The following EPB41L3 variants were observed in gnomAD, a reference collection of about 807,000 sequenced individuals.
The protein encoded by EPB41L3 is band 4.1-like protein 3.
A neutral mutation model predicts 127.1 loss-of-function variants in EPB41L3; 57 were observed. The ratio of observed to expected loss-of-function variants is 0.45; its 90% confidence interval spans 0.36 to 0.56. The LOEUF (loss-of-function observed/expected upper bound fraction) is 0.56, where lower values mean the gene tolerates loss of function less well. Among genes scored for constraint, EPB41L3 ranks in the 20% least tolerant of loss-of-function variants. The pLI, the probability that EPB41L3 is intolerant of heterozygous loss-of-function variation, is 0.00. For missense variants in EPB41L3, 1,273 were observed against 1,372.2 expected (o/e 0.93, Z 1.14); for synonymous variants, 572 against 549.5 (o/e 1.04, Z -0.57).
intron 3 of EPB41L3, chr18:5,567,336 A>G (rs1446101498): frequency 1.3e-5 from 2 of 152,240 alleles, no homozygotes; most frequent in African/African-American, 4.8e-5. Flanking sequence ...CGAGAAAACA[A>G]TTTTTTTCAA....
chr18:5,475,548 T>C (rs1393136234), intron 3 of EPB41L3, among the ~76,000 whole-genome samples: 1 of 152,234 alleles, frequency 6.6e-6, no homozygotes, highest in African/African-American at 2.4e-5. Context: ...GATTACAAAA[T>C]GGTTTTGACA....
intron 3 of EPB41L3, among the ~76,000 whole-genome samples, chr18:5,578,852 G>A (rs1424381665): frequency 6.6e-6 from 1 of 152,106 alleles, no homozygotes; most frequent in African/African-American, 2.4e-5. Context: ...AAACAATTTG[G>A]TACTGTCTCC....
At chr18:5,472,637 A>C (rs886159452) in intron 3 of EPB41L3, among the ~76,000 whole-genome samples, 1 of 152,208 alleles carries the variant, frequency 6.6e-6, no homozygotes, top group Admixed American at 6.5e-5. Context: ...GAAAAGCAAA[A>C]GGTACTCTAA....
chr18:5,460,317 G>A (rs2083773216), intron 3 of EPB41L3, among the ~76,000 whole-genome samples: 1 of 152,110 alleles, frequency 6.6e-6, no homozygotes, highest in South Asian at 2.1e-4. Context: ...GCACACTGCA[G>A]GCACATCCCA....
intron 6 of EPB41L3, among the ~76,000 whole-genome samples, chr18:5,435,179 G>A (rs2079580088): frequency 6.6e-6 from 1 of 152,188 alleles, no homozygotes; most frequent in Non-Finnish European, 1.5e-5. Flanking sequence ...AGTGTTACAA[G>A]AGTCAAAAAG....
intron 2 of EPB41L3, among the ~76,000 whole-genome samples, chr18:5,484,847 A>G (rs1275555813): frequency 6.6e-6 from 1 of 151,990 alleles, no homozygotes; most frequent in Non-Finnish European, 1.5e-5. Flanking sequence ...TATAATAAAA[A>G]GTCTTCTATC....
chr18:5,560,825 T>C (rs1209086579), intron 3 of EPB41L3, among the ~76,000 whole-genome samples: 1 of 152,096 alleles, frequency 6.6e-6, no homozygotes, highest in Non-Finnish European at 1.5e-5. Context: ...GGCTTCCTTA[T>C]GGTCACATGA....
At chr18:5,617,147 T>C (rs1001677695) in intron 1 of EPB41L3, among the ~76,000 whole-genome samples, 32 of 152,298 alleles carry the variant, frequency 2.1e-4, no homozygotes, top group African/African-American at 7.7e-4. Context: ...TCACACTTTA[T>C]ATTGTTTTTA....
intron 13 of EPB41L3, among the ~76,000 whole-genome samples, chr18:5,412,574 T>A (rs9944917): frequency 0.014 from 2,074 of 152,340 alleles, 54 homozygotes; most frequent in African/African-American, 0.048. Flanking sequence ...CAAACACTTC[T>A]AAAATTTTTG....
At chr18:5,577,833 A>G (rs1176510434) in intron 3 of EPB41L3, among the ~76,000 whole-genome samples, 1 of 152,208 alleles carries the variant, frequency 6.6e-6, no homozygotes, top group Non-Finnish European at 1.5e-5. Context: ...ACACATTTTG[A>G]ACATCTACAG....
intron 3 of EPB41L3, among the ~76,000 whole-genome samples, chr18:5,576,173 G>A (rs962478685): frequency 7.2e-5 from 11 of 152,120 alleles, no homozygotes; most frequent in East Asian, 3.9e-4. Context: ...TAGAATTATC[G>A]AAAAATTAGA....
intron 3 of EPB41L3, among the ~76,000 whole-genome samples, chr18:5,455,029 T>G (rs906750054): frequency 2.0e-5 from 3 of 152,222 alleles, no homozygotes; most frequent in African/African-American, 7.2e-5. Flanking sequence ...TCTCTGAGCT[T>G]CATTGTTTTC....
chr18:5,425,605 T>C (rs1241731339), intron 9 of EPB41L3, among the ~76,000 whole-genome samples: 1 of 152,210 alleles, frequency 6.6e-6, no homozygotes, highest in Admixed American at 6.5e-5. Flanking sequence ...TGAATAGGTA[T>C]TAATAGTTTA....
chr18:5,450,632 A>G (rs530579038), intron 3 of EPB41L3, among the ~76,000 whole-genome samples: 24 of 151,088 alleles, frequency 1.6e-4, no homozygotes, highest in Non-Finnish European at 3.2e-4. Flanking sequence ...AATTAATTAA[A>G]AAGGTTAGTA....
Position 5,406,878 on chromosome 18 carries a change from C to T in EPB41L3, c.2248G>A (p.Ala750Thr). The change falls in exon 16 of 23, where the codon GCC (alanine) becomes ACC (threonine). Residue 750 changes from alanine to threonine, a missense_variant. By Grantham distance (58) the Ala-to-Thr change is moderately conservative. Coordinates refer to ENST00000341928, the MANE Select transcript of EPB41L3 (RefSeq NM_012307.5). ...RTFLETSTDT[A>T]VTNEWEKRLS... ...CTCTTCTCCCATTCATTCGTTACGG[C>T]AGTGTCTGTTGAGGTTTCTAAGAAG... 1 of 1,614,168 alleles carries T rather than the reference C, an allele frequency of 6.2e-7. No individual in the cohort carries two copies. Among genetic ancestry groups the T allele is most frequent in the Non-Finnish European group, 8.5e-7 (1 of 1,180,010 alleles).
At chr18:5,492,034 G>A (rs971873894) in intron 1 of EPB41L3, among the ~76,000 whole-genome samples, 2 of 152,090 alleles carry the variant, frequency 1.3e-5, no homozygotes, top group African/African-American at 4.8e-5. Flanking sequence ...AATACAATAT[G>A]TCTGGCTGGG....
In EPB41L3 at chr18:5,407,725, C is replaced by T; in HGVS notation, c.2133G>A (p.Glu711=). ...GETTATESDQ[E]EDAELKAQEL... ...CCTGTGCCTTGAGCTCTGCATCTTC[C>T]TCCTGGTCCGACTGCCAGCATCAAG... is the stretch of plus-strand genomic sequence containing the variant. Residue 711 remains glutamate (E), a synonymous_variant, in exon 15 of 23, where the codon GAG becomes GAA. Transcript: ENST00000341928. 1 of 1,614,010 alleles carries T rather than the reference C, an allele frequency of 6.2e-7. No individual in the cohort carries two copies. The highest frequency in any genetic ancestry group is 8.5e-7 in the Non-Finnish European group (1 of 1,179,952).
At chr18:5,533,164 A>T (rs189564157) in intron 1 of EPB41L3, among the ~76,000 whole-genome samples, 1 of 152,198 alleles carries the variant, frequency 6.6e-6, no homozygotes, top group Non-Finnish European at 1.5e-5. Flanking sequence ...AAAAAAGCCA[A>T]CGTCTGAAAA....
At position 5,392,658 on chromosome 18, in the gene EPB41L3, T is replaced by G. The variant is rs1385513648; in HGVS notation, c.*827A>C. The G allele has an allele frequency of 6.6e-6, 1 of 152,526 alleles. No homozygotes were observed. Among genetic ancestry groups the G allele is most frequent in the African/African-American group, 2.4e-5 (1 of 41,396 alleles). The allele number at this position is 152,526 out of a possible 1,614,324, so 9.4% of individuals were successfully genotyped here. A position where few individuals can be genotyped will look rare whatever the true frequency, so the allele number is the denominator to read the frequency against. ...AAATACACGGCACGGAAAAAGTAACTAAGAAAACAAAGCCACAGGAAGCCC... is the reference window on the plus strand; with the variant it reads ...AAATACACGGCACGGAAAAAGTAACGAAGAAAACAAAGCCACAGGAAGCCC... On this transcript the variant is annotated 3_prime_UTR_variant, in exon 23 of 23. Coordinates refer to ENST00000341928, the MANE Select transcript of EPB41L3 (RefSeq NM_012307.5).
Sources: allele counts gnomAD v4.1 joint callset (sites outside exome capture counted in the v4.1 genomes callset), GRCh38; gene constraint gnomAD v4.1.1; transcripts MANE v1.5; gene names NCBI Gene and HGNC (gene_info 2026-07-23, HGNC 2026-07-21).